The following NR6A1 variants were observed in gnomAD, a reference collection of about 807,000 sequenced individuals.
NR6A1 encodes the protein retinoic acid receptor-related testis-associated receptor.
In NR6A1, 7 loss-of-function variants were observed where a neutral mutation model predicts 59.1. The ratio of observed to expected loss-of-function variants is 0.12; its 90% CI spans 0.07 to 0.22. The LOEUF (loss-of-function observed/expected upper bound fraction) is 0.22. Among genes scored for constraint, NR6A1 ranks in the 10% least tolerant of loss-of-function variants. The pLI is 1.00. For synonymous variants in NR6A1, 243 were observed against 236.1 expected (o/e 1.03, Z -0.27); for missense variants, 468 against 611.6 (o/e 0.77, Z 2.48).
chr9:124,693,942 TC>T (rs1838656598), intron 2 of NR6A1: 2 of 304,874 alleles, frequency 6.6e-6, no homozygotes, highest in Non-Finnish European at 1.3e-5. Flanking sequence ...TTCTCTAAAT[TC>T]CTAGTACTTT....
intron 2 of NR6A1, among the ~76,000 whole-genome samples, chr9:124,571,429 G>C (rs2131431417): frequency 6.6e-6 from 1 of 152,322 alleles, no homozygotes; most frequent in Non-Finnish European, 1.5e-5. Flanking sequence ...CTTTCTGGCT[G>C]TCTGCTCAGC....
At chr9:124,635,758 A>T (rs1363856682) in intron 2 of NR6A1, among the ~76,000 whole-genome samples, 1 of 152,046 alleles carries the variant, frequency 6.6e-6, no homozygotes, top group African/African-American at 2.4e-5. Context: ...ACTGTTATCT[A>T]CTCTCCTACT....
rs1367716090 is a variant in NR6A1, at chr9:124,522,699, A to T, written c.*6T>A. 1 of 1,568,060 alleles carries T rather than the reference A, an allele frequency of 6.4e-7. No individual in the cohort carries two copies. The highest frequency in any genetic ancestry group is 1.2e-5 in the South Asian group (1 of 85,012). Reference sequence around the variant, plus strand: ...TGGTTGGCCTGAGGAGGGCGCCTGGAACAGGTCATTCCTTGCCCACACTGG... The same window carrying T: ...TGGTTGGCCTGAGGAGGGCGCCTGGTACAGGTCATTCCTTGCCCACACTGG... On this transcript the variant is annotated 3_prime_UTR_variant, in exon 10 of 10. Coordinates refer to ENST00000487099, the MANE Select transcript of NR6A1 (RefSeq NM_033334.4).
intron 1 of NR6A1, among the ~76,000 whole-genome samples, chr9:124,752,593 C>T (rs1840535416): frequency 6.6e-6 from 1 of 152,098 alleles, no homozygotes; most frequent in South Asian, 2.1e-4. Flanking sequence ...AATATCTTTT[C>T]TCAAGCTCAC....
At chr9:124,574,067 GTTTC>G (rs1834523547) in intron 2 of NR6A1, among the ~76,000 whole-genome samples, 1 of 152,288 alleles carries the variant, frequency 6.6e-6, no homozygotes, top group East Asian at 1.9e-4. Flanking sequence ...ACACTGGAAT[GTTTC>G]TTTATTGCTG....
chr9:124,573,080 A>G (rs1834488508), intron 2 of NR6A1, among the ~76,000 whole-genome samples: 1 of 152,204 alleles, frequency 6.6e-6, no homozygotes, highest in Non-Finnish European at 1.5e-5. Flanking sequence ...GCCAACTTCT[A>G]ATATCTTCAC....
chr9:124,733,223 C>CAATG lies in NR6A1; in HGVS notation c.142+81_142+84dup, dbSNP rs532283641. 3.9e-4 allele frequency: 382 copies of CAATG among 969,690 alleles called. 1 individual carries two copies. In the East Asian group the frequency reaches 9.1e-3, roughly 23 times the overall value. 60.1% of individuals were successfully genotyped at this position (969,690 alleles called of 1,614,324 possible). A position where few individuals can be genotyped will look rare whatever the true frequency, so the allele number is the denominator to read the frequency against. ...TGAGAGTCAATAAAGTAAGGCTTATCAATGACACCTTAAGTTATTCACTTA... is the reference window on the plus strand; with the variant it reads ...TGAGAGTCAATAAAGTAAGGCTTATCAATGAATGACACCTTAAGTTATTCACTTA... On this transcript the variant is annotated intron_variant, in intron 2 of 9. Transcript: ENST00000487099.
intron 2 of NR6A1, among the ~76,000 whole-genome samples, chr9:124,575,934 A>C (rs1018175065): frequency 1.3e-5 from 2 of 152,216 alleles, no homozygotes; most frequent in African/African-American, 4.8e-5. Flanking sequence ...ACCAAATAGG[A>C]ATGTATGAAG....
intron 2 of NR6A1, among the ~76,000 whole-genome samples, chr9:124,560,074 C>G (rs116054515): frequency 0.011 from 1,667 of 152,296 alleles, 30 homozygotes; most frequent in African/African-American, 0.038. Flanking sequence ...CACAACCAAT[C>G]AGGAGTGGAG....
intron 2 of NR6A1, among the ~76,000 whole-genome samples, chr9:124,557,259 C>T (rs544453911): frequency 1.3e-5 from 2 of 152,194 alleles, no homozygotes; most frequent in South Asian, 4.1e-4. Context: ...CTCAGCCTCC[C>T]GAGTAGCTGG....
intron 2 of NR6A1, among the ~76,000 whole-genome samples, chr9:124,716,634 T>A (rs1395699108): frequency 6.6e-6 from 1 of 152,152 alleles, no homozygotes; most frequent in Non-Finnish European, 1.5e-5. Flanking sequence ...TTCTTTTTTA[T>A]TTATTTATGT....
intron 2 of NR6A1, among the ~76,000 whole-genome samples, chr9:124,700,132 G>A (rs1021717157): frequency 5.9e-5 from 9 of 151,966 alleles, no homozygotes; most frequent in Non-Finnish European, 1.3e-4. Flanking sequence ...TTACAGGTGT[G>A]AGTCACCACG....
intron 2 of NR6A1, among the ~76,000 whole-genome samples, chr9:124,585,124 A>C (rs1355512842): frequency 1.3e-5 from 2 of 152,238 alleles, no homozygotes; most frequent in Non-Finnish European, 2.9e-5. Flanking sequence ...ATGCAGAGCA[A>C]GGCCCTAACT....
intron 1 of NR6A1, among the ~76,000 whole-genome samples, chr9:124,762,720 C>G (rs984954320): frequency 5.9e-5 from 9 of 152,136 alleles, no homozygotes; most frequent in Admixed American, 5.9e-4. Flanking sequence ...GTGTAGGATC[C>G]TGTAATATCA....
At chr9:124,701,740 TGAGTCG>T (rs1233414884) in intron 2 of NR6A1, among the ~76,000 whole-genome samples, 3 of 152,212 alleles carry the variant, frequency 2.0e-5, no homozygotes. Context: ...TTTTTTCTTT[TGAGTCG>T]GAGTTTCGCT....
In NR6A1 at chr9:124,519,227, C is replaced by T. The variant is rs1227513334; in HGVS notation, c.*3478G>A. ...TGATGCCACAGAAACCCTTAGGATT[C>T]CCCATTCCTTGCTCTGGTTCTGGGA... On this transcript the variant is annotated 3_prime_UTR_variant, in exon 10 of 10. Transcript: ENST00000487099. 1 of 152,168 alleles carries T rather than the reference C, an allele frequency of 6.6e-6. No individual in the cohort carries two copies. The highest frequency in any genetic ancestry group is 2.1e-4 in the South Asian group (1 of 4,824). 9.4% of individuals were successfully genotyped at this position (152,168 alleles called of 1,614,324 possible).
intron 2 of NR6A1, among the ~76,000 whole-genome samples, chr9:124,597,945 T>A (rs1327887710): frequency 6.6e-6 from 1 of 152,030 alleles, no homozygotes; most frequent in Non-Finnish European, 1.5e-5. Flanking sequence ...GCTCAAGCAA[T>A]CCTCCCGCAT....
Position 124,518,812 on chromosome 9 carries a change from G to C in NR6A1, c.*3893C>G, listed in dbSNP as rs978477711. On this transcript the variant is annotated 3_prime_UTR_variant, in exon 10 of 10. Transcript: ENST00000487099. ...ATTAAAAATTCAAAGCTTAATAAAAGGGCTGGTCTGAAAGACTGGATTCTT... is the reference window on the plus strand; with the variant it reads ...ATTAAAAATTCAAAGCTTAATAAAACGGCTGGTCTGAAAGACTGGATTCTT... The C allele has an allele frequency of 2.6e-5, 4 of 151,198 alleles. No individual in the cohort carries two copies. The highest frequency in any genetic ancestry group is 5.9e-5 in the Non-Finnish European group (4 of 67,912). 9.4% of individuals were successfully genotyped at this position (151,198 alleles called of 1,614,324 possible).
At chr9:124,524,654 T>C in intron 9 of NR6A1, 67 bp downstream of exon 9, 2 of 1,565,716 alleles carry the variant, frequency 1.3e-6, no homozygotes, top group South Asian at 1.2e-5. Flanking sequence ...AAACACTGCT[T>C]GCCTCATTCC....
Sources: allele counts gnomAD v4.1 joint callset (sites outside exome capture counted in the v4.1 genomes callset), GRCh38; gene constraint gnomAD v4.1.1; transcripts MANE v1.5; gene names NCBI Gene and HGNC (gene_info 2026-07-23, HGNC 2026-07-21).